The following ASIC2 variants were observed in gnomAD, a reference collection of about 807,000 sequenced individuals.
ASIC2 encodes acid sensing ion channel subunit 2.
A neutral mutation model predicts 57.3 loss-of-function variants in ASIC2; 25 were observed. The observed-to-expected ratio is 0.44, with a 90% CI of 0.32 to 0.61. The LOEUF is 0.61. Ranked by LOEUF, ASIC2 falls within the 20% of genes least tolerant of loss-of-function variation. The pLI, the probability that ASIC2 is intolerant of heterozygous loss-of-function variation, is 0.06. For missense variants in ASIC2, 641 were observed against 738.1 expected, an observed-to-expected ratio of 0.87 and a Z score of 1.52; for synonymous variants, 319 against 307.5, an observed-to-expected ratio of 1.04 and a Z score of -0.39.
chr17:33,160,694 T>A lies in ASIC2; in HGVS notation c.709-48627A>T, dbSNP rs115285092. 4.1e-3 allele frequency among the ~76,000 whole-genome samples: 617 copies of A among 152,264 alleles called. 5 individuals are homozygous for A. The highest frequency in any genetic ancestry group is 0.014 in the African/African-American group (575 of 41,540). ...AGAGCAGGAATGCCCCTCTGATAGG[T>A]TCCACCTGCCTGGTTGATGGGAAGA... On this transcript the variant is annotated intron_variant, in intron 1 of 9. Coordinates refer to ENST00000225823, the MANE Select transcript of ASIC2 (RefSeq NM_183377.2).
At chr17:33,683,971 A>T (rs1200517666) in intron 1 of ASIC2, among the ~76,000 whole-genome samples, 1 of 152,216 alleles carries the variant, frequency 6.6e-6, no homozygotes, top group Non-Finnish European at 1.5e-5. Context: ...GTACGAATTT[A>T]GGGGGAGGAA....
intron 1 of ASIC2, among the ~76,000 whole-genome samples, chr17:33,182,428 G>T (rs1906022068): frequency 6.6e-6 from 1 of 152,090 alleles, no homozygotes; most frequent in Admixed American, 6.6e-5. Context: ...ATTTGTTGTT[G>T]TTATCATTAT....
At position 33,124,339 on chromosome 17, in the gene ASIC2, A is replaced by G. The variant is rs548723244; in HGVS notation, c.709-12272T>C. Among the ~76,000 whole-genome samples, 192 of 152,338 alleles carry G rather than the reference A, an allele frequency of 1.3e-3. 1 individual carries two copies. Among genetic ancestry groups the G allele is most frequent in the African/African-American group, 4.5e-3 (187 of 41,570 alleles). ...AGTTTAATCAGATTGCTTTCCTGACATGTGAAATTAGGGCCTGGCTGGGAG... is the reference window on the plus strand; with the variant it reads ...AGTTTAATCAGATTGCTTTCCTGACGTGTGAAATTAGGGCCTGGCTGGGAG... On this transcript the variant is annotated intron_variant, in intron 1 of 9. Transcript: ENST00000225823.
intron 1 of ASIC2, among the ~76,000 whole-genome samples, chr17:33,478,321 G>A (rs1257421367): frequency 1.3e-5 from 2 of 152,202 alleles, no homozygotes; most frequent in Non-Finnish European, 2.9e-5. Flanking sequence ...AGGGGCATCT[G>A]GGGAATCCAA....
At chr17:33,926,637 G>A (rs918946223) in intron 1 of ASIC2, among the ~76,000 whole-genome samples, 9 of 152,148 alleles carry the variant, frequency 5.9e-5, no homozygotes, top group Admixed American at 6.5e-5. Context: ...GCTACCTAAA[G>A]CAACCATTTT....
At chr17:33,066,359 C>A (rs1209631887) in intron 3 of ASIC2, among the ~76,000 whole-genome samples, 2 of 152,120 alleles carry the variant, frequency 1.3e-5, no homozygotes, top group East Asian at 3.9e-4. Flanking sequence ...ACCCTGCTAG[C>A]AGTTGGCGAG....
At chr17:33,864,336 G>T (rs778069115) in intron 1 of ASIC2, among the ~76,000 whole-genome samples, 2 of 152,134 alleles carry the variant, frequency 1.3e-5, no homozygotes, top group Non-Finnish European at 2.9e-5. Flanking sequence ...TAATAGCGTA[G>T]GAAGCATGCA....
intron 1 of ASIC2, among the ~76,000 whole-genome samples, chr17:33,314,478 G>C (rs554781226): frequency 6.6e-6 from 1 of 152,318 alleles, no homozygotes; most frequent in East Asian, 1.9e-4. Flanking sequence ...CAGGGAGAAA[G>C]TGAGATGTAC....
chr17:33,304,924 G>C (rs1166197036), intron 1 of ASIC2, among the ~76,000 whole-genome samples: 2 of 152,068 alleles, frequency 1.3e-5, no homozygotes, highest in Non-Finnish European at 2.9e-5. Context: ...ATTTTCTCCA[G>C]TTACAACTGT....
At chr17:33,480,421 T>G (rs1457411945) in intron 1 of ASIC2, among the ~76,000 whole-genome samples, 1 of 152,082 alleles carries the variant, frequency 6.6e-6, no homozygotes, top group African/African-American at 2.4e-5. Flanking sequence ...GAGAAGAGAC[T>G]GGGGTGGAGT....
chr17:33,227,973 A>G (rs1404580816), intron 1 of ASIC2, among the ~76,000 whole-genome samples: 1 of 152,142 alleles, frequency 6.6e-6, no homozygotes, highest in Non-Finnish European at 1.5e-5. Context: ...GAGATGAGAG[A>G]GGAGAGATGA....
intron 1 of ASIC2, among the ~76,000 whole-genome samples, chr17:33,812,490 T>G (rs1209034856): frequency 6.6e-6 from 1 of 152,028 alleles, no homozygotes; most frequent in East Asian, 1.9e-4. Flanking sequence ...AGAGGGAAAT[T>G]GTGCTTGCTT....
chr17:33,514,316 A>C (rs1914506780), intron 1 of ASIC2, among the ~76,000 whole-genome samples: 1 of 152,194 alleles, frequency 6.6e-6, no homozygotes, highest in South Asian at 2.1e-4. Flanking sequence ...GAAATGCACC[A>C]CTGAGAAGCA....
intron 1 of ASIC2, among the ~76,000 whole-genome samples, chr17:33,181,740 G>C (rs1308988186): frequency 6.6e-6 from 1 of 152,196 alleles, no homozygotes; most frequent in Non-Finnish European, 1.5e-5. Context: ...TTTGCACTTA[G>C]TTCCAAATAA....
chr17:33,676,842 T>C (rs1907838070), intron 1 of ASIC2, among the ~76,000 whole-genome samples: 1 of 151,334 alleles, frequency 6.6e-6, no homozygotes, highest in Non-Finnish European at 1.5e-5. Flanking sequence ...CTCCCATTGT[T>C]GGGGGTGGGG....
At chr17:33,508,848 A>G (rs1914346359) in intron 1 of ASIC2, among the ~76,000 whole-genome samples, 1 of 152,194 alleles carries the variant, frequency 6.6e-6, no homozygotes, top group Non-Finnish European at 1.5e-5. Flanking sequence ...ATCTCCAGAA[A>G]AAGCCCTGTC....
chr17:33,228,532 CAT>C (rs1275916418), intron 1 of ASIC2, among the ~76,000 whole-genome samples: 1 of 152,240 alleles, frequency 6.6e-6, no homozygotes, highest in African/African-American at 2.4e-5. Flanking sequence ...CCATGAGACA[CAT>C]GATAGCCACA....
chr17:33,409,694 G>A (rs1458416274), intron 1 of ASIC2, among the ~76,000 whole-genome samples: 1 of 152,220 alleles, frequency 6.6e-6, no homozygotes, highest in African/African-American at 2.4e-5. Context: ...GTCTTGCGGA[G>A]GAGGAGGCCG....
chr17:33,018,708 C>T (rs1054708989), intron 7 of ASIC2, among the ~76,000 whole-genome samples: 2 of 152,172 alleles, frequency 1.3e-5, no homozygotes, highest in Admixed American at 6.5e-5. Context: ...AGCTTTGTCT[C>T]CAAAGGATAT....
Sources: allele counts gnomAD v4.1 joint callset (sites outside exome capture counted in the v4.1 genomes callset), GRCh38; gene constraint gnomAD v4.1.1; transcripts MANE v1.5; gene names NCBI Gene and HGNC (gene_info 2026-07-23, HGNC 2026-07-21).